Variants in PCDHGA6 observed in about 807,000 individuals in gnomAD.
The protein encoded by PCDHGA6 is protocadherin gamma subfamily A, 6.
PCDHGA6 carries 41 observed loss-of-function variants against 60.6 expected under a neutral mutation model. The ratio of observed to expected loss-of-function variants is 0.68; its 90% CI spans 0.53 to 0.88. The LOEUF (loss-of-function observed/expected upper bound fraction) is 0.88, where lower values mean the gene tolerates loss of function less well. Among genes scored for constraint, PCDHGA6 ranks in the 40% least tolerant of loss-of-function variants. The pLI is 0.00. For missense variants in PCDHGA6, 1,312 were observed against 1,203.0 expected, an observed-to-expected ratio of 1.09 and a Z score of -1.34; for synonymous variants, 594 against 524.4, an observed-to-expected ratio of 1.13 and a Z score of -1.81.
At position 141,489,436 on chromosome 5, in the gene PCDHGA6, T is replaced by C. The variant is rs1002519; in HGVS notation, c.2425-5371T>C. 0.23 allele frequency: 369,130 copies of C among 1,613,832 alleles called. 44,340 individuals are homozygous for C. The highest frequency in any genetic ancestry group is 0.38 in the Admixed American group (23,024 of 60,000). On this transcript the variant is annotated intron_variant, in intron 1 of 3. Transcript: ENST00000517434. The surrounding 1 kb of genome is among the most constrained non-coding windows in gnomAD (Gnocchi z 4.5). ...AGATCTGTTGAGCCGGCGGCTGCAATTGGGCTCTGAGGAGAATGGGCGCTA... is the reference window on the plus strand; with the variant it reads ...AGATCTGTTGAGCCGGCGGCTGCAACTGGGCTCTGAGGAGAATGGGCGCTA...
At chr5:141,458,735 A>G (rs2098952642) in intron 1 of PCDHGA6, among the ~76,000 whole-genome samples, 1 of 148,560 alleles carries the variant, frequency 6.7e-6, no homozygotes, top group East Asian at 2.0e-4. Context: ...ACATCCAGCT[A>G]TTGGTTTTGG....
rs753664223 is a variant in PCDHGA6 at position 141,410,518 on chromosome 5, C to G, written c.2424+34011C>G. 5.0e-6 allele frequency: 8 copies of G among 1,613,820 alleles called. No homozygotes were observed. In the East Asian group the frequency reaches 1.8e-4, roughly 36 times the overall value. On this transcript the variant is annotated intron_variant, in intron 1 of 3. Coordinates refer to ENST00000517434, the MANE Select transcript of PCDHGA6 (RefSeq NM_018919.3). ...TTAATTTCCTAAAATGCAGTGTGCC[C>G]CTACATTCCAATGAAGACATGGTTT...
chr5:141,375,586 G>A lies in PCDHGA6; in HGVS notation c.1503G>A (p.Leu501=). 1 of 1,614,128 alleles carries A rather than the reference G, an allele frequency of 6.2e-7. No individual in the cohort carries two copies. The highest frequency in any genetic ancestry group is 8.5e-7 in the Non-Finnish European group (1 of 1,180,006). The change falls in exon 1 of 4, where the codon CTG becomes CTA. Residue 501 remains leucine, a synonymous_variant. Transcript: ENST00000517434. The part of the protein sequence containing the change: ...LAEDTLQGAP[L]SSYVSINSDT... ...AAGACACCCTCCAGGGGGCGCCCCTGTCCTCCTACGTGTCCATCAACTCCG... is the reference window on the plus strand; with the variant it reads ...AAGACACCCTCCAGGGGGCGCCCCTATCCTCCTACGTGTCCATCAACTCCG...
chr5:141,383,975 A>G (rs2150246512), intron 1 of PCDHGA6: 3 of 1,613,820 alleles, frequency 1.9e-6, no homozygotes, highest in South Asian at 2.2e-5. Flanking sequence ...ATCCCTGAAG[A>G]CACACCTCTT....
In PCDHGA6 at chr5:141,427,233, G is replaced by A. The variant is rs147039909; in HGVS notation, c.2424+50726G>A. On this transcript the variant is annotated intron_variant, in intron 1 of 3. Transcript: ENST00000517434. Reference sequence around the variant, plus strand: ...ATTTCGTAGCAGTTATACCATGAGAGTAGAAGCTAAGGATGGTGGAGGCAT... The same window carrying A: ...ATTTCGTAGCAGTTATACCATGAGAATAGAAGCTAAGGATGGTGGAGGCAT... 180 of 456,756 alleles carry A rather than the reference G, an allele frequency of 3.9e-4. 1 individual carries two copies. The highest frequency in any genetic ancestry group is 3.5e-3 in the African/African-American group (176 of 50,196). The allele number at this position is 456,756 out of a possible 1,614,324, so 28.3% of individuals were successfully genotyped here.
At chr5:141,419,432 C>T (rs2096381830) in intron 1 of PCDHGA6, 1 of 1,613,278 alleles carries the variant, frequency 6.2e-7, no homozygotes, top group East Asian at 2.2e-5. Flanking sequence ...CCACGAGCAG[C>T]TGCGCACCTT....
intron 1 of PCDHGA6, among the ~76,000 whole-genome samples, chr5:141,465,905 G>A (rs938438286): frequency 6.6e-6 from 1 of 151,958 alleles, no homozygotes; most frequent in Admixed American, 6.6e-5. Flanking sequence ...GGCAAATCAC[G>A]AGGTCAGGAT....
chr5:141,402,979 C>G (rs372858164), intron 1 of PCDHGA6: 9 of 1,608,716 alleles, frequency 5.6e-6, no homozygotes, highest in Non-Finnish European at 7.6e-6. Flanking sequence ...AATGCCAGCT[C>G]CGCGGAAGAT....
chr5:141,397,359 A>T (rs372780097), intron 1 of PCDHGA6, among the ~76,000 whole-genome samples: 10 of 152,226 alleles, frequency 6.6e-5, no homozygotes, highest in African/African-American at 2.4e-4. Flanking sequence ...AGTCAGGAAG[A>T]GGAGATGTTT....
chr5:141,462,393 C>A (rs1465154354), intron 1 of PCDHGA6, among the ~76,000 whole-genome samples: 4 of 152,062 alleles, frequency 2.6e-5, no homozygotes, highest in African/African-American at 9.7e-5. Flanking sequence ...GTTAACATTT[C>A]TTTTATGGCA....
chr5:141,420,357 CT>C, intron 1 of PCDHGA6: 1 of 1,376,278 alleles, frequency 7.3e-7, no homozygotes, highest in Non-Finnish European at 9.6e-7. Context: ...TTTTAAGATT[CT>C]AGATAACTTC....
Position 141,464,284 on chromosome 5 carries a change from A to C in PCDHGA6, c.2425-30523A>C, listed in dbSNP as rs1237360752. ...CGTCTAAAAAAAAAAAAAAGCAAAA[A>C]AAAAAACTCCATTGTATGTGCACAT... On this transcript the variant is annotated intron_variant, in intron 1 of 3. Coordinates refer to ENST00000517434, the MANE Select transcript of PCDHGA6 (RefSeq NM_018919.3). 4.0e-5 allele frequency among the ~76,000 whole-genome samples: 6 copies of C among 151,546 alleles called. No individual in the cohort carries two copies. The South Asian group carries it at 1.0e-3, about 26-fold the overall frequency.
intron 1 of PCDHGA6, among the ~76,000 whole-genome samples, chr5:141,439,168 G>C (rs2098092980): frequency 6.6e-6 from 1 of 150,792 alleles, no homozygotes; most frequent in Non-Finnish European, 1.5e-5. Context: ...ACTCCAGCCT[G>C]GGCGACATAG....
chr5:141,468,820 C>G (rs1055751689), intron 1 of PCDHGA6, among the ~76,000 whole-genome samples: 1 of 151,830 alleles, frequency 6.6e-6, no homozygotes, highest in Non-Finnish European at 1.5e-5. Context: ...GAGCCAAGAT[C>G]AAGCCACTGC....
chr5:141,431,162 G>C lies in PCDHGA6; in HGVS notation c.2424+54655G>C, dbSNP rs757521794. The C allele has an allele frequency of 3.1e-6, 5 of 1,614,246 alleles. No homozygotes were observed. The South Asian group carries it at 5.5e-5, about 18-fold the overall frequency. On this transcript the variant is annotated intron_variant, in intron 1 of 3. Coordinates refer to ENST00000517434, the MANE Select transcript of PCDHGA6 (RefSeq NM_018919.3). The surrounding 1 kb of genome is among the most constrained non-coding windows in gnomAD (Gnocchi z 4.8). Reference sequence around the variant, plus strand: ...TAACGACAATGCGCCTTACTTTCGTGAAAGTGAATTAGAAATAAAAATTAG... The same window carrying C: ...TAACGACAATGCGCCTTACTTTCGTCAAAGTGAATTAGAAATAAAAATTAG...
intron 1 of PCDHGA6, chr5:141,424,778 T>G (rs1009835492): frequency 1.3e-5 from 2 of 152,166 alleles, no homozygotes; most frequent in African/African-American, 4.8e-5. Flanking sequence ...AATAGTACAT[T>G]CAGTTCTTTT....
chr5:141,508,091 GCCC>G (rs2099866180), intron 3 of PCDHGA6: 1 of 152,482 alleles, frequency 6.6e-6, no homozygotes, highest in Non-Finnish European at 1.5e-5. Flanking sequence ...TGCTGCCTTG[GCCC>G]TGGGATGGGG....
rs1186240180 is a variant in PCDHGA6, at chr5:141,432,270, A to T, written c.2424+55763A>T. On this transcript the variant is annotated intron_variant, in intron 1 of 3. Transcript: ENST00000517434. The surrounding 1 kb of genome is among the most constrained non-coding windows in gnomAD (Gnocchi z 6.0). ...ATCCAAGGGGCAAGCCTATCGTCCT[A>T]CGTGTCCATCAACTCCGACACTGGG... 1 of 1,614,024 alleles carries T rather than the reference A, an allele frequency of 6.2e-7. No homozygotes were observed. The highest frequency in any genetic ancestry group is 8.5e-7 in the Non-Finnish European group (1 of 1,180,028).
rs1292747996 is a variant in PCDHGA6, at chr5:141,475,972, T to C, written c.2425-18835T>C. 2.0e-5 allele frequency: 19 copies of C among 963,712 alleles called. No individual in the cohort carries two copies. In the East Asian group the frequency reaches 3.4e-4, roughly 17 times the overall value. The allele number at this position is 963,712 out of a possible 1,614,324, so 59.7% of individuals were successfully genotyped here. A position where few individuals can be genotyped will look rare whatever the true frequency, so the allele number is the denominator to read the frequency against. ...CTGCGCCCCGGGATGAGGCAGAGAC[T>C]GAACAGCCGGCGAGCAAATCAACGG... On this transcript the variant is annotated intron_variant, in intron 1 of 3. Transcript: ENST00000517434.
Sources: allele counts gnomAD v4.1 joint callset (sites outside exome capture counted in the v4.1 genomes callset), GRCh38; gene constraint gnomAD v4.1.1; non-coding constraint Gnocchi (gnomAD v3.1); transcripts MANE v1.5; gene names NCBI Gene and HGNC (gene_info 2026-07-23, HGNC 2026-07-21).